Variants in TTC6 observed in about 807,000 individuals in gnomAD.
TTC6 encodes the protein tetratricopeptide repeat protein 6.
TTC6 carries 172 observed loss-of-function variants against 210.4 expected under a neutral mutation model. The ratio of observed to expected loss-of-function variants is 0.82; its 90% CI spans 0.72 to 0.93. The LOEUF is 0.93. Ranked by LOEUF, TTC6 falls within the 40% of genes least tolerant of loss-of-function variation. TTC6 has a pLI of 0.00. For synonymous variants in TTC6, 804 were observed against 819.6 expected (o/e 0.98, Z 0.32); for missense variants, 2,414 against 2,318.1 (o/e 1.04, Z -0.85).
intron 29 of TTC6, among the ~76,000 whole-genome samples, chr14:37,838,908 G>C (rs1311948974): frequency 2.0e-5 from 3 of 152,068 alleles, no homozygotes; most frequent in Non-Finnish European, 2.9e-5. Flanking sequence ...GCGGTGTTTG[G>C]TTTTCTCTTC....
chr14:37,835,236 T>A (rs1328028627), intron 29 of TTC6, among the ~76,000 whole-genome samples: 1 of 152,182 alleles, frequency 6.6e-6, no homozygotes, highest in Non-Finnish European at 1.5e-5. Context: ...GTGAGTGTGG[T>A]GTGAAATGTT....
intron 13 of TTC6, among the ~76,000 whole-genome samples, 184 bp from the exon 16 acceptor site, chr14:37,752,915 T>G (rs1323856870): frequency 6.6e-6 from 1 of 152,078 alleles, no homozygotes; most frequent in Non-Finnish European, 1.5e-5. Flanking sequence ...TCTCTAGAAT[T>G]TGATGATGGA....
chr14:37,836,088 A>G (rs1317968165), intron 29 of TTC6, among the ~76,000 whole-genome samples: 1 of 152,194 alleles, frequency 6.6e-6, no homozygotes, highest in Admixed American at 6.5e-5. Flanking sequence ...CCCATTCTGA[A>G]TTGATCTCTC....
intron 29 of TTC6, among the ~76,000 whole-genome samples, chr14:37,834,680 CTT>C: frequency 6.6e-6 from 1 of 152,150 alleles, no homozygotes; most frequent in East Asian, 1.9e-4. Flanking sequence ...CACAAAATTT[CTT>C]TTCTTTGGGG....
rs1566921159 is a variant in TTC6 at position 37,737,431 on chromosome 14, T to TA, written c.1909-229_1909-228insA. On this transcript the variant is annotated intron_variant, in intron 8 of 30. Coordinates refer to ENST00000553443, the Ensembl canonical transcript of TTC6. ...TGTTTGTTATATCAAGTTGAATTTT[T>TA]TAAAAAAACATAGTTTTTATTATTA... 1.0e-3 allele frequency among the ~76,000 whole-genome samples: 26 copies of TA among 24,836 alleles called. No individual in the cohort carries two copies. The East Asian group carries it at 0.018, about 17-fold the overall frequency. The allele number at this position is 24,836 out of a possible 152,430, so 16.3% of individuals were successfully genotyped here.
upstream of TTC6, among the ~76,000 whole-genome samples, chr14:37,621,859 A>T (rs1325505478): frequency 6.6e-6 from 1 of 151,992 alleles, no homozygotes; most frequent in Non-Finnish European, 1.5e-5. Flanking sequence ...GAGGTTTTTC[A>T]TGGTTCTTGT....
intron 14 of TTC6, among the ~76,000 whole-genome samples, chr14:37,766,576 G>A (rs2096000118): frequency 6.6e-6 from 1 of 152,154 alleles, no homozygotes; most frequent in African/African-American, 2.4e-5. Flanking sequence ...GTTCCATGCT[G>A]TATATGTACC....
At chr14:37,830,493 T>C (rs979192041) in intron 29 of TTC6, among the ~76,000 whole-genome samples, 12 of 152,076 alleles carry the variant, frequency 7.9e-5, no homozygotes, top group African/African-American at 2.9e-4. Flanking sequence ...GATTTATTCT[T>C]AATTTTTTTA....
intron 1 of TTC6, among the ~76,000 whole-genome samples, chr14:37,630,306 C>G (rs2095667185): frequency 6.6e-6 from 1 of 152,128 alleles, no homozygotes; most frequent in African/African-American, 2.4e-5. Flanking sequence ...TTTCGAAGAA[C>G]TTATTTATTT....
At chr14:37,596,280 A>G (rs1346617446) in intron 1 of TTC6, among the ~76,000 whole-genome samples, 1 of 152,246 alleles carries the variant, frequency 6.6e-6, no homozygotes, top group Non-Finnish European at 1.5e-5. Context: ...GACATCTCCC[A>G]TAACACGCGC....
intron 1 of TTC6, among the ~76,000 whole-genome samples, chr14:37,650,462 C>G (rs909539429): frequency 6.6e-6 from 1 of 152,098 alleles, no homozygotes; most frequent in South Asian, 2.1e-4. Flanking sequence ...TCTATTCTGC[C>G]CTAGGCTTAG....
intron 14 of TTC6, among the ~76,000 whole-genome samples, chr14:37,774,166 AC>A (rs1213581919): frequency 6.6e-6 from 1 of 152,120 alleles, no homozygotes; most frequent in Non-Finnish European, 1.5e-5. Context: ...TTGGGCAGAA[AC>A]TATGGGGGTT....
rs989807598 is a variant in TTC6, at chr14:37,753,127, A to G, written c.3158A>G (p.Asp1053Gly). The G allele has an allele frequency of 7.4e-5, 113 of 1,535,080 alleles. No individual in the cohort carries two copies. In the East Asian group the frequency reaches 2.8e-3, roughly 38 times the overall value. ...ATTTTTTATGATCCCAAAAGAACAG[A>G]TGCATTATTGAAACGTGGGCTGTTT... The change falls in exon 14 of 31, where the codon GAT (aspartate) becomes GGT (glycine). Residue 1053 changes from aspartate (D) to glycine (G), a missense_variant. Coordinates refer to ENST00000553443, the Ensembl canonical transcript of TTC6.
chr14:37,828,996 G>C lies in TTC6; in HGVS notation c.5298+1630G>C, dbSNP rs117431060. On this transcript the variant is annotated intron_variant, in intron 29 of 30. Transcript: ENST00000553443. ...TTTATACCTAATATATATGCATTATGAATTATAGCCTTCAGCACTACAGAT... is the reference window on the plus strand; with the variant it reads ...TTTATACCTAATATATATGCATTATCAATTATAGCCTTCAGCACTACAGAT... 3.7e-3 allele frequency among the ~76,000 whole-genome samples: 558 copies of C among 151,976 alleles called. 2 individuals carry two copies. Among genetic ancestry groups the C allele is most frequent in the Admixed American group, 7.0e-3 (106 of 15,238 alleles).
chr14:37,608,476 A>AT (rs200706439), intron 2 of TTC6, among the ~76,000 whole-genome samples: 5,162 of 151,926 alleles, frequency 0.034, 126 homozygotes, highest in Non-Finnish European at 0.047. Flanking sequence ...CACCTGGCTA[A>AT]TTTTTTTGCC....
intron 22 of TTC6, 125 bp from the exon 25 acceptor site, chr14:37,807,195 A>C: frequency 1.1e-6 from 1 of 905,878 alleles, no homozygotes; most frequent in East Asian, 2.9e-5. Flanking sequence ...GAAAAATTTT[A>C]AAAAGACTAT....
chr14:37,643,661 T>A (rs1787347623), intron 1 of TTC6, among the ~76,000 whole-genome samples: 2 of 152,132 alleles, frequency 1.3e-5, no homozygotes, highest in African/African-American at 4.8e-5. Context: ...GATAATACAA[T>A]ATATAAAATT....
chr14:37,637,462 A>G (rs1205692073), intron 1 of TTC6, among the ~76,000 whole-genome samples: 5 of 152,184 alleles, frequency 3.3e-5, no homozygotes, highest in Non-Finnish European at 5.9e-5. Context: ...AAAACTCTAC[A>G]GTAGAAAAAT....
chr14:37,725,312 G>GTGTGTGTATATATATA (rs1318506400), intron 7 of TTC6, among the ~76,000 whole-genome samples: 1 of 33,918 alleles, frequency 2.9e-5, no homozygotes, highest in Non-Finnish European at 5.6e-5. Flanking sequence ...GTGTGTGTGT[G>GTGTGTGTATATATATA]TATATATATA....
Sources: gnomAD v4.1 joint callset for allele counts (sites outside exome capture counted in the v4.1 genomes callset) on GRCh38, gnomAD v4.1.1 for gene constraint, MANE v1.5 for transcripts, NCBI Gene and HGNC (gene_info 2026-07-23, HGNC 2026-07-21) for gene names.